Variants in SS18L2 observed in about 807,000 individuals in gnomAD.
SS18L2 encodes the protein SS18 like 2, also known as SS18-like protein 2.
In SS18L2, 8 loss-of-function variants were observed where a neutral mutation model predicts 10.3. That is an observed-to-expected ratio of 0.78 (90% confidence interval 0.46 to 1.41). The LOEUF is 1.41. SS18L2 is among the 40% of genes most tolerant of loss of function. The pLI is 0.00. For missense variants in SS18L2, 100 were observed against 96.2 expected (o/e 1.04, Z -0.17); for synonymous variants, 41 against 34.6 (o/e 1.19, Z -0.65).
intron 1 of SS18L2, among the ~76,000 whole-genome samples, chr3:42,583,686 A>G (rs1704510188): frequency 6.6e-6 from 1 of 152,182 alleles, no homozygotes; most frequent in South Asian, 2.1e-4. Flanking sequence ...GGACTGAGTA[A>G]GGAAGATCTG....
intron 2 of SS18L2, among the ~76,000 whole-genome samples, chr3:42,591,930 C>T (rs1294841725): frequency 6.6e-6 from 1 of 152,150 alleles, no homozygotes; most frequent in Non-Finnish European, 1.5e-5. Flanking sequence ...AGAGCCATGG[C>T]CCCTTTCTCA....
intron 2 of SS18L2, among the ~76,000 whole-genome samples, chr3:42,592,650 T>C (rs896857634): frequency 2.6e-5 from 4 of 152,374 alleles, no homozygotes; most frequent in African/African-American, 9.6e-5. Context: ...AATCTTTACA[T>C]CTGACTCTGG....
In SS18L2 at chr3:42,596,561, A is replaced by G. The variant is rs1705037216; in HGVS notation, c.*2052A>G. Among the ~76,000 whole-genome samples, 2 of 152,198 alleles carry G rather than the reference A, an allele frequency of 1.3e-5. No individual in the cohort carries two copies. The highest frequency in any genetic ancestry group is 2.9e-5 in the Non-Finnish European group (2 of 68,038). On this transcript the variant is annotated 3_prime_UTR_variant, in exon 3 of 3. Transcript: ENST00000011691. ...GATACCAACTTTCTACCACTCTTGGAAGAGATGGAGGAGGTGTCAGTCATT... is the reference window on the plus strand; with the variant it reads ...GATACCAACTTTCTACCACTCTTGGGAGAGATGGAGGAGGTGTCAGTCATT...
chr3:42,591,201 C>CATTT, intron 1 of SS18L2: 3 of 487,888 alleles, frequency 6.1e-6, no homozygotes, highest in East Asian at 3.6e-5. Flanking sequence ...CCTTTCTCTC[C>CATTT]TTTTTTTTTT....
At chr3:42,585,097 C>G (rs1365082262) in intron 1 of SS18L2, among the ~76,000 whole-genome samples, 1 of 152,116 alleles carries the variant, frequency 6.6e-6, no homozygotes, top group Non-Finnish European at 1.5e-5. Flanking sequence ...CCATTGCACT[C>G]CAGCCTGACC....
At chr3:42,590,709 A>G (rs749339870), upstream of SS18L2, 4 of 657,930 alleles carry the variant, frequency 6.1e-6, no homozygotes, top group African/African-American at 1.8e-5. Flanking sequence ...GGATACGAAA[A>G]CGCCCCCGGC....
upstream of SS18L2, among the ~76,000 whole-genome samples, chr3:42,586,339 C>T (rs994997295): frequency 2.6e-5 from 4 of 152,300 alleles, no homozygotes; most frequent in East Asian, 7.7e-4. Context: ...CCTCCAGCCT[C>T]AGCCTCCCAA....
upstream of SS18L2, chr3:42,590,731 T>G (rs1577372517): frequency 1.3e-6 from 1 of 752,088 alleles, no homozygotes; most frequent in African/African-American, 1.7e-5. Flanking sequence ...TTCTGGGGGC[T>G]GGGACCGAGG....
At chr3:42,590,744 A>G, upstream of SS18L2, 2 of 805,978 alleles carry the variant, frequency 2.5e-6, no homozygotes, top group Non-Finnish European at 4.2e-6. Context: ...GACCGAGGAA[A>G]GCGCTGAGTA....
rs1425901609 is a variant in SS18L2, at chr3:42,596,252, C to T, written c.*1743C>T. Among the ~76,000 whole-genome samples, 3 of 152,120 alleles carry T rather than the reference C, an allele frequency of 2.0e-5. No individual in the cohort carries two copies. The highest frequency in any genetic ancestry group is 4.4e-5 in the Non-Finnish European group (3 of 68,028). Reference sequence around the variant, plus strand: ...GGTCAGGCTGGTCTCGTACTCACGACCTCAGGTGATCCACCTGCCTCAGCC... The same window carrying T: ...GGTCAGGCTGGTCTCGTACTCACGATCTCAGGTGATCCACCTGCCTCAGCC... On this transcript the variant is annotated 3_prime_UTR_variant, in exon 3 of 3. Transcript: ENST00000011691.
chr3:42,584,421 A>C (rs1360180624), intron 1 of SS18L2, among the ~76,000 whole-genome samples: 4 of 152,106 alleles, frequency 2.6e-5, no homozygotes, highest in Non-Finnish European at 5.9e-5. Context: ...CGCCCAGCTA[A>C]TTTTTGTATT....
chr3:42,590,873 G>T lies in SS18L2; in HGVS notation c.-25G>T. The T allele has an allele frequency of 6.2e-7, 1 of 1,613,690 alleles. No individual in the cohort carries two copies. The highest frequency in any genetic ancestry group is 2.2e-5 in the East Asian group (1 of 44,846). On this transcript the variant is annotated 5_prime_UTR_variant, in exon 1 of 3. Transcript: ENST00000011691. ...CTATCGTGGGTCGAGTTGCTTGGCG[G>T]TCGTGGTTCCGGAGGTTCCTCGGGA... is the stretch of plus-strand genomic sequence containing the variant.
intron 1 of SS18L2, among the ~76,000 whole-genome samples, chr3:42,584,234 G>C (rs548839312): frequency 5.9e-5 from 9 of 152,272 alleles, no homozygotes; most frequent in African/African-American, 2.2e-4. Context: ...ACAGGTTGCA[G>C]GTCAATGTAG....
chr3:42,585,940 A>AC (rs1321765790), upstream of SS18L2, among the ~76,000 whole-genome samples: 6 of 150,106 alleles, frequency 4.0e-5, no homozygotes, highest in South Asian at 8.5e-4. Context: ...CCACTCTTCA[A>AC]CCCCCCCTCC....
intron 2 of SS18L2, among the ~76,000 whole-genome samples, chr3:42,592,887 A>C (rs1441389186): frequency 6.6e-6 from 1 of 152,078 alleles, no homozygotes; most frequent in Admixed American, 6.5e-5. Context: ...CCGTAAACTT[A>C]TGTTGATCAT....
intron 1 of SS18L2, among the ~76,000 whole-genome samples, chr3:42,583,722 A>G (rs1464460185): frequency 1.3e-5 from 2 of 152,184 alleles, no homozygotes; most frequent in Non-Finnish European, 2.9e-5. Context: ...CGCAGGCACC[A>G]CATAATAGAA....
chr3:42,587,575 A>T (rs1260163672), upstream of SS18L2: 1 of 152,006 alleles, frequency 6.6e-6, no homozygotes, highest in Admixed American at 6.6e-5. Context: ...GAAAAAAAAA[A>T]AATACAAAAA....
intron 1 of SS18L2, chr3:42,582,244 G>A (rs951606475): frequency 1.3e-5 from 2 of 152,268 alleles, no homozygotes; most frequent in African/African-American, 4.8e-5. Flanking sequence ...AGGTGAGAAG[G>A]AGCCTTCGTG....
upstream of SS18L2, chr3:42,590,841 GC>G: frequency 6.4e-7 from 1 of 1,570,656 alleles, no homozygotes; most frequent in Non-Finnish European, 8.8e-7. Flanking sequence ...GAGAGCGTAG[GC>G]CCCACCTATC....
Sources: allele counts gnomAD v4.1 joint callset (sites outside exome capture counted in the v4.1 genomes callset), GRCh38; gene constraint gnomAD v4.1.1; transcripts MANE v1.5; gene names NCBI Gene and HGNC (gene_info 2026-07-23, HGNC 2026-07-21).